The following UBXN2A variants were observed in gnomAD, a reference collection of about 807,000 sequenced individuals.
The protein encoded by UBXN2A is UBX domain-containing protein 2A.
A neutral mutation model predicts 28.4 loss-of-function variants in UBXN2A; 28 were observed. The ratio of observed to expected loss-of-function variants is 0.99; its 90% CI spans 0.73 to 1.35. The LOEUF is 1.35. UBXN2A is among the 40% of genes most tolerant of loss of function. The pLI is 0.00. For synonymous variants in UBXN2A, 97 were observed against 103.6 expected (o/e 0.94, Z 0.39); for missense variants, 253 against 297.9 (o/e 0.85, Z 1.11).
intron 1 of UBXN2A, among the ~76,000 whole-genome samples, chr2:23,948,969 G>C (rs1387495741): frequency 7.3e-6 from 1 of 136,450 alleles, no homozygotes; most frequent in Non-Finnish European, 1.6e-5. Context: ...TTTTGAGACA[G>C]AATCTCTGTC....
chr2:23,934,182 G>A (rs1287072256), intron 1 of UBXN2A, among the ~76,000 whole-genome samples: 2 of 152,036 alleles, frequency 1.3e-5, no homozygotes, highest in South Asian at 2.1e-4. Context: ...CTGCACTCCA[G>A]CCTGGGCAAC....
rs1412691884 is a variant in UBXN2A, at chr2:24,004,028, C to T, written c.*4161C>T. On this transcript the variant is annotated 3_prime_UTR_variant, in exon 7 of 7. Coordinates refer to ENST00000309033, the MANE Select transcript of UBXN2A (RefSeq NM_181713.4). The stretch of plus-strand genomic sequence containing the variant: ...TTTTGTATGTACCTGTAGAATACAT[C>T]CCAGTAAGGGTCCTATGGAGAAAGA... 6.6e-6 allele frequency: 1 copy of T among 152,116 alleles called. No homozygotes were observed. The highest frequency in any genetic ancestry group is 2.4e-5 in the African/African-American group (1 of 41,422). 9.4% of individuals were successfully genotyped at this position (152,116 alleles called of 1,614,324 possible).
At chr2:23,941,520 A>G (rs1191283562) in intron 1 of UBXN2A, among the ~76,000 whole-genome samples, 1 of 152,220 alleles carries the variant, frequency 6.6e-6, no homozygotes, top group East Asian at 1.9e-4. Context: ...AAGCACACTA[A>G]TGATATGAGG....
chr2:23,956,074 G>A (rs1295009682), intron 1 of UBXN2A, among the ~76,000 whole-genome samples: 1 of 152,012 alleles, frequency 6.6e-6, no homozygotes, highest in East Asian at 1.9e-4. Flanking sequence ...ATGTTGGACA[G>A]GCTGGTCTCG....
intron 6 of UBXN2A, among the ~76,000 whole-genome samples, chr2:23,991,347 C>T (rs1708343567): frequency 6.6e-6 from 1 of 151,732 alleles, no homozygotes; most frequent in Non-Finnish European, 1.5e-5. Context: ...ATGGCTGAGA[C>T]CCCTTTAACA....
intron 2 of UBXN2A, among the ~76,000 whole-genome samples, chr2:23,968,137 G>A (rs1707250185): frequency 6.6e-6 from 1 of 152,156 alleles, no homozygotes; most frequent in African/African-American, 2.4e-5. Context: ...TAGTGATTAA[G>A]AGCAGAGACA....
chr2:23,949,904 G>T (rs1041706172), intron 1 of UBXN2A, among the ~76,000 whole-genome samples: 8 of 151,828 alleles, frequency 5.3e-5, no homozygotes, highest in Non-Finnish European at 1.2e-4. Flanking sequence ...GTATAAATGT[G>T]TGGGGTACAA....
chr2:23,937,850 C>G (rs1705573938), upstream of UBXN2A, among the ~76,000 whole-genome samples: 1 of 152,282 alleles, frequency 6.6e-6, no homozygotes, highest in Admixed American at 6.5e-5. Context: ...ACAGAGTATA[C>G]TTACACAAAC....
intron 2 of UBXN2A, among the ~76,000 whole-genome samples, chr2:23,960,221 A>G (rs1318332448): frequency 1.3e-5 from 2 of 151,898 alleles, no homozygotes; most frequent in East Asian, 3.9e-4. Context: ...GCGCCACTGC[A>G]CTCCAGCCTG....
chr2:23,987,622 C>T (rs1157157955), intron 6 of UBXN2A, among the ~76,000 whole-genome samples: 1 of 151,476 alleles, frequency 6.6e-6, no homozygotes, highest in African/African-American at 2.4e-5. Flanking sequence ...ACTAAAAATA[C>T]AAAAAATTAG....
rs898846537 is a variant in UBXN2A at position 24,003,077 on chromosome 2, A to G, written c.*3210A>G. On this transcript the variant is annotated 3_prime_UTR_variant, in exon 7 of 7. Coordinates refer to ENST00000309033, the MANE Select transcript of UBXN2A (RefSeq NM_181713.4). ...TTTGGGGCAGCTTTTCAAAAATGCC[A>G]TTCCTGCCACCTACCACAAAGATTC... 1.3e-5 allele frequency: 2 copies of G among 152,188 alleles called. No homozygotes were observed. The highest frequency in any genetic ancestry group is 2.4e-5 in the African/African-American group (1 of 41,452). The allele number at this position is 152,188 out of a possible 1,614,324, so 9.4% of individuals were successfully genotyped here. A position where few individuals can be genotyped will look rare whatever the true frequency, so the allele number is the denominator to read the frequency against.
At chr2:23,997,815 CTT>C (rs1178815199) in intron 6 of UBXN2A, among the ~76,000 whole-genome samples, 9 of 123,460 alleles carry the variant, frequency 7.3e-5, no homozygotes, top group Admixed American at 8.2e-5. Context: ...TTAATATTTT[CTT>C]TTTTTTTTTT....
chr2:23,978,166 T>G (rs576366628), intron 4 of UBXN2A, among the ~76,000 whole-genome samples: 2 of 152,156 alleles, frequency 1.3e-5, no homozygotes, highest in Non-Finnish European at 2.9e-5. Flanking sequence ...GAACTTGAAT[T>G]CTGATCAACC....
chr2:23,941,388 G>T (rs569309325), intron 1 of UBXN2A, among the ~76,000 whole-genome samples: 76 of 152,302 alleles, frequency 5.0e-4, no homozygotes, highest in African/African-American at 1.8e-3. Flanking sequence ...CTGAAAGTCG[G>T]ATTTATTTAA....
chr2:23,934,275 TGTA>T (rs919332182), intron 1 of UBXN2A, among the ~76,000 whole-genome samples: 1 of 152,186 alleles, frequency 6.6e-6, no homozygotes, highest in African/African-American at 2.4e-5. Context: ...ACTAGCCACA[TGTA>T]GTTATTTAAA....
At chr2:23,944,869 A>G (rs1327381918) in intron 1 of UBXN2A, among the ~76,000 whole-genome samples, 1 of 152,198 alleles carries the variant, frequency 6.6e-6, no homozygotes, top group Non-Finnish European at 1.5e-5. Context: ...AGTCTGTCCC[A>G]GCTAGAGAGA....
intron 4 of UBXN2A, among the ~76,000 whole-genome samples, chr2:23,977,498 C>T (rs956061544): frequency 1.2e-4 from 18 of 152,026 alleles, no homozygotes; most frequent in Admixed American, 3.9e-4. Flanking sequence ...CAAAATTAGC[C>T]GAGTGTGGTG....
At chr2:23,953,334 T>C (rs1424158933) in intron 1 of UBXN2A, among the ~76,000 whole-genome samples, 1 of 152,200 alleles carries the variant, frequency 6.6e-6, no homozygotes, top group Non-Finnish European at 1.5e-5. Context: ...ATTACCCATC[T>C]TGATGATTAT....
At chr2:23,973,241 G>A (rs768539477) in intron 3 of UBXN2A, among the ~76,000 whole-genome samples, 6 of 151,684 alleles carry the variant, frequency 4.0e-5, no homozygotes, top group Non-Finnish European at 7.4e-5. Context: ...GGCTGGTCTC[G>A]AACTCCTGAC....
Sources: allele counts gnomAD v4.1 joint callset (sites outside exome capture counted in the v4.1 genomes callset), GRCh38; gene constraint gnomAD v4.1.1; transcripts MANE v1.5; gene names NCBI Gene and HGNC (gene_info 2026-07-23, HGNC 2026-07-21).